The following EMX1 variants were observed in gnomAD, a reference collection of about 807,000 sequenced individuals.
EMX1 encodes empty spiracles homeobox 1, also known as homeobox protein EMX1.
A neutral mutation model predicts 20.1 loss-of-function variants in EMX1; 10 were observed. The ratio of observed to expected loss-of-function variants is 0.50; its 90% CI spans 0.31 to 0.84. The LOEUF is 0.84. EMX1 is among the 40% of genes least tolerant of loss of function. The probability of loss-of-function intolerance (pLI) is 0.05; values close to 1 mark genes in which losing one functional copy is unlikely to be tolerated. For missense variants in EMX1, 424 were observed against 431.9 expected (o/e 0.98, Z 0.16); for synonymous variants, 250 against 200.4 (o/e 1.25, Z -2.09).
At position 72,933,933 on chromosome 2, in the gene EMX1, C is replaced by T. The variant is rs1429249814; in HGVS notation, c.852C>T (p.Ile284=). 2.5e-6 allele frequency: 4 copies of T among 1,614,160 alleles called. No homozygotes were observed. The highest frequency in any genetic ancestry group is 1.1e-5 in the South Asian group (1 of 91,094). ...IATKQANGED[I]DVTSND ...CGAAGCAGGCCAATGGGGAGGACAT[C>T]GATGTCACCTCCAATGACTAGGGTG... is the stretch of plus-strand genomic sequence containing the variant. Residue 284 remains isoleucine, a synonymous_variant, in exon 3 of 3, where the codon ATC becomes ATT. Transcript: ENST00000258106.
At chr2:72,933,764 G>A in intron 2 of EMX1, 23 bp from the exon 3 acceptor site, 1 of 1,613,478 alleles carries the variant, frequency 6.2e-7, no homozygotes, top group South Asian at 1.1e-5. Flanking sequence ...TTTCTCATCT[G>A]TGCCCCTCCC....
At chr2:72,926,691 C>G (rs1193045511) in intron 2 of EMX1, among the ~76,000 whole-genome samples, 1 of 152,124 alleles carries the variant, frequency 6.6e-6, no homozygotes, top group Non-Finnish European at 1.5e-5. Flanking sequence ...TTAAAGGTAC[C>G]TCATATGAGC....
intron 2 of EMX1, chr2:72,932,863 G>T (rs1055639218): frequency 6.6e-6 from 1 of 152,326 alleles, no homozygotes; most frequent in African/African-American, 2.4e-5. Flanking sequence ...TCTCCTGACT[G>T]TTCCTTGTGT....
chr2:72,922,466 A>T (rs1489729104), intron 1 of EMX1, among the ~76,000 whole-genome samples: 1 of 152,196 alleles, frequency 6.6e-6, no homozygotes, highest in Non-Finnish European at 1.5e-5. Context: ...AGGGCCCTAG[A>T]TCTGCGCCAC....
At chr2:72,931,994 T>C (rs1440689456) in intron 2 of EMX1, among the ~76,000 whole-genome samples, 1 of 152,086 alleles carries the variant, frequency 6.6e-6, no homozygotes, top group African/African-American at 2.4e-5. Context: ...CATGAAACCA[T>C]CTGCAGGGCA....
At chr2:72,927,030 C>T (rs1211458808) in intron 2 of EMX1, among the ~76,000 whole-genome samples, 1 of 152,110 alleles carries the variant, frequency 6.6e-6, no homozygotes, top group Non-Finnish European at 1.5e-5. Context: ...TATCTGTCTC[C>T]AGAGCTCTCT....
chr2:72,918,230 C>A lies in EMX1; in HGVS notation c.378C>A (p.Pro126=). The A allele has an allele frequency of 6.3e-7, 1 of 1,581,212 alleles. No homozygotes were observed. Among genetic ancestry groups the A allele is most frequent in the Non-Finnish European group, 8.5e-7 (1 of 1,173,834 alleles). ...ELVFPEAMNH[P]ALTVHPAHQL... ...TGTTCCCCGAGGCCATGAACCACCC[C>A]GCGCTGACCGTGCATCCGGCGCACC... is the stretch of plus-strand genomic sequence containing the variant. The change falls in exon 1 of 3, where the codon CCC becomes CCA. Residue 126 remains proline, a synonymous_variant. Coordinates refer to ENST00000258106, the MANE Select transcript of EMX1 (RefSeq NM_004097.3).
At position 72,930,675 on chromosome 2, in the gene EMX1, C is replaced by T. The variant is rs1172216669; in HGVS notation, c.706-3112C>T. 6.6e-6 allele frequency among the ~76,000 whole-genome samples: 1 copy of T among 152,178 alleles called. No individual in the cohort carries two copies. Among genetic ancestry groups the T allele is most frequent in the Admixed American group, 6.5e-5 (1 of 15,274 alleles). ...CAAGCCATACCATATGACCCAGCTCCTTTCCAGGGCCTGTTTTCTCTAGGG... is the reference window on the plus strand; with the variant it reads ...CAAGCCATACCATATGACCCAGCTCTTTTCCAGGGCCTGTTTTCTCTAGGG... On this transcript the variant is annotated intron_variant, in intron 2 of 2. Coordinates refer to ENST00000258106, the MANE Select transcript of EMX1 (RefSeq NM_004097.3). This position sits in a 1 kb window ranked among gnomAD's most constrained non-coding sequence, Gnocchi z 4.4.
At chr2:72,929,219 G>A (rs1183804035) in intron 2 of EMX1, among the ~76,000 whole-genome samples, 3 of 152,172 alleles carry the variant, frequency 2.0e-5, no homozygotes, top group African/African-American at 4.8e-5. Context: ...CATGTTCCAG[G>A]AGTCCTGTGT....
intron 2 of EMX1, among the ~76,000 whole-genome samples, chr2:72,932,132 T>A (rs1214394809): frequency 6.6e-6 from 1 of 152,126 alleles, no homozygotes; most frequent in Non-Finnish European, 1.5e-5. Flanking sequence ...GGTTCAAGGA[T>A]CTCTCCTCAG....
At chr2:72,920,244 T>G (rs886938694) in intron 1 of EMX1, among the ~76,000 whole-genome samples, 1 of 152,180 alleles carries the variant, frequency 6.6e-6, no homozygotes, top group African/African-American at 2.4e-5. Context: ...GCGAGGCGGA[T>G]AAATCCTTCG....
At chr2:72,921,893 C>G (rs898006349) in intron 1 of EMX1, among the ~76,000 whole-genome samples, 1 of 152,226 alleles carries the variant, frequency 6.6e-6, no homozygotes, top group Non-Finnish European at 1.5e-5. Flanking sequence ...CCTTCATCCT[C>G]TCATCTGGGT....
At chr2:72,917,080 C>T (rs561119416), upstream of EMX1, 3 of 640,056 alleles carry the variant, frequency 4.7e-6, no homozygotes, top group East Asian at 2.7e-5. Flanking sequence ...TGGGAGAGTC[C>T]CGGAGAGCAG....
chr2:72,933,916 G>A lies in EMX1; in HGVS notation c.835G>A (p.Ala279Thr). 6.2e-7 allele frequency: 1 copy of A among 1,614,256 alleles called. No homozygotes were observed. The highest frequency in any genetic ancestry group is 8.5e-7 in the Non-Finnish European group (1 of 1,180,046). Reference protein sequence around the residue: ...INRWRIATKQANGEDIDVTSN... With the variant: ...INRWRIATKQTNGEDIDVTSN... The stretch of plus-strand genomic sequence containing the variant: ...CCGGTGGCGCATTGCCACGAAGCAG[G>A]CCAATGGGGAGGACATCGATGTCAC... Residue 279 changes from alanine to threonine, a missense_variant, in exon 3 of 3, where the codon GCC (alanine) becomes ACC (threonine). This residue lies in a region of EMX1 where 91 missense variants were observed against 135.2 expected (regional missense o/e 0.67). Transcript: ENST00000258106.
intron 2 of EMX1, among the ~76,000 whole-genome samples, chr2:72,931,615 C>G (rs971547929): frequency 1.3e-4 from 20 of 152,314 alleles, no homozygotes; most frequent in African/African-American, 4.8e-4. Context: ...GCCCTGCGCC[C>G]AAAGATAGGT....
intron 2 of EMX1, among the ~76,000 whole-genome samples, chr2:72,927,591 A>T (rs749639602): frequency 6.6e-6 from 1 of 152,214 alleles, no homozygotes; most frequent in Non-Finnish European, 1.5e-5. Flanking sequence ...TCTCTCAGGG[A>T]GATCTTAAAA....
At chr2:72,924,133 G>A (rs1268632190) in intron 1 of EMX1, 176 bp from the exon 2 acceptor site, 1 of 762,432 alleles carries the variant, frequency 1.3e-6, no homozygotes, top group Non-Finnish European at 2.2e-6. Flanking sequence ...AGTGGACTTA[G>A]GGAAGGGGCG....
chr2:72,923,930 G>T, intron 1 of EMX1: 1 of 339,278 alleles, frequency 2.9e-6, no homozygotes, highest in South Asian at 3.3e-5. Context: ...CTGGGAAAGG[G>T]CGGAGAAAGA....
chr2:72,928,078 G>A (rs1401001625), intron 2 of EMX1, among the ~76,000 whole-genome samples: 1 of 152,244 alleles, frequency 6.6e-6, no homozygotes, highest in African/African-American at 2.4e-5. Flanking sequence ...GGTGCTAGGA[G>A]GTGGGCAACC....
Sources: allele counts gnomAD v4.1 joint callset (sites outside exome capture counted in the v4.1 genomes callset), GRCh38; gene constraint gnomAD v4.1.1; regional missense constraint gnomAD v4.1.1; non-coding constraint Gnocchi (gnomAD v3.1); transcripts MANE v1.5; gene names NCBI Gene and HGNC (gene_info 2026-07-23, HGNC 2026-07-21).